The following NACC2 variants were observed in gnomAD, a reference collection of about 807,000 sequenced individuals.
NACC2 encodes the protein nucleus accumbens-associated protein 2.
A neutral mutation model predicts 25.1 loss-of-function variants in NACC2; 8 were observed. The observed-to-expected ratio is 0.32, with a 90% CI of 0.19 to 0.57. The LOEUF is 0.57. Among genes scored for constraint, NACC2 ranks in the 20% least tolerant of loss-of-function variants. The probability of loss-of-function intolerance (pLI) is 0.89; values close to 1 mark genes in which losing one functional copy is unlikely to be tolerated. For synonymous variants in NACC2, 435 were observed against 294.7 expected, an observed-to-expected ratio of 1.48 and a Z score of -4.88; for missense variants, 644 against 650.2, an observed-to-expected ratio of 0.99 and a Z score of 0.10.
intron 2 of NACC2, among the ~76,000 whole-genome samples, chr9:136,048,070 CCTGTCTGGCTGCCATTGTCGGCAGGGCA>C (rs1470367604): frequency 1.1e-4 from 17 of 152,186 alleles, no homozygotes; most frequent in African/African-American, 1.9e-4. Context: ...TCGGCAGGGC[CCTGTCTGGCTGCCATTGTCGGCAGGGCA>C]CTGTCTGGCT....
intron 2 of NACC2, among the ~76,000 whole-genome samples, chr9:136,030,965 C>T (rs1164998177): frequency 1.3e-5 from 2 of 152,066 alleles, no homozygotes; most frequent in African/African-American, 2.4e-5. Context: ...CCGGCCAATA[C>T]ATCTCAACTT....
intron 1 of NACC2, among the ~76,000 whole-genome samples, chr9:136,051,966 G>A (rs1840851673): frequency 6.6e-6 from 1 of 152,064 alleles, no homozygotes; most frequent in Admixed American, 6.5e-5. Flanking sequence ...CTGGGCTCGC[G>A]GCCGCAGCTC....
intron 1 of NACC2, among the ~76,000 whole-genome samples, chr9:136,092,884 C>T (rs962588704): frequency 1.3e-5 from 2 of 152,180 alleles, no homozygotes; most frequent in African/African-American, 2.4e-5. Context: ...GAACCCACTG[C>T]GTGACCCTGC....
intron 2 of NACC2, among the ~76,000 whole-genome samples, chr9:136,034,713 A>G (rs921177347): frequency 6.6e-6 from 1 of 152,212 alleles, no homozygotes; most frequent in Non-Finnish European, 1.5e-5. Context: ...AAATGAAGGA[A>G]TAAAACCAGT....
At chr9:136,048,182 C>T (rs1398811603) in intron 2 of NACC2, among the ~76,000 whole-genome samples, 1 of 152,198 alleles carries the variant, frequency 6.6e-6, no homozygotes, top group Non-Finnish European at 1.5e-5. Context: ...GGGACTGGAG[C>T]CCATGGACAG....
chr9:136,029,470 A>C (rs1179197264), intron 2 of NACC2, among the ~76,000 whole-genome samples: 3 of 152,264 alleles, frequency 2.0e-5, no homozygotes, highest in Non-Finnish European at 4.4e-5. Context: ...GGGACCTGCC[A>C]AATGGCAGGA....
At chr9:136,024,810 A>G (rs1176829149) in intron 2 of NACC2, among the ~76,000 whole-genome samples, 2 of 152,156 alleles carry the variant, frequency 1.3e-5, no homozygotes, top group African/African-American at 4.8e-5. Context: ...TACAACCCTG[A>G]GGGGCTGCGA....
chr9:136,041,747 T>C (rs1275858656), intron 2 of NACC2, among the ~76,000 whole-genome samples: 1 of 152,208 alleles, frequency 6.6e-6, no homozygotes, highest in Non-Finnish European at 1.5e-5. Flanking sequence ...ATGAACAGTA[T>C]GGCGTGTGAA....
At position 136,007,534 on chromosome 9, in the gene NACC2, T is replaced by TGA; in HGVS notation, c.*3981_*3982insTC. ...ACGCGCACACACAGACGCACAGACGTGCACACACAGACACGCACACACACA... is the reference window on the plus strand; with the variant it reads ...ACGCGCACACACAGACGCACAGACGTGAGCACACACAGACACGCACACACACA... On this transcript the variant is annotated 3_prime_UTR_variant, in exon 6 of 6. Transcript: ENST00000277554. 1.7e-5 allele frequency: 1 copy of TGA among 58,926 alleles called. No homozygotes were observed. The highest frequency in any genetic ancestry group is 8.5e-5 in the African/African-American group (1 of 11,774). The allele number at this position is 58,926 out of a possible 1,614,324, so 3.7% of individuals were successfully genotyped here.
At chr9:136,082,269 G>A (rs1175429637) in intron 1 of NACC2, among the ~76,000 whole-genome samples, 1 of 152,206 alleles carries the variant, frequency 6.6e-6, no homozygotes, top group Non-Finnish European at 1.5e-5. Flanking sequence ...GGAAGGGGGC[G>A]GGGAGCCTCA....
intron 3 of NACC2, 74 bp downstream of exon 3, chr9:136,016,191 G>C: frequency 1.3e-6 from 2 of 1,541,020 alleles, no homozygotes; most frequent in Middle Eastern, 2.2e-4. Flanking sequence ...ACATTGTTCA[G>C]AGCTCTCCAA....
At position 136,075,170 on chromosome 9, in the gene NACC2, G is replaced by A. The variant is rs375471451; in HGVS notation, c.-60+20019C>T. ...GTGGGGAGCCCCAGGTGTGGGTGCA[G>A]CAGGCTGCAACGCCCCCCACACACA... On this transcript the variant is annotated intron_variant, in intron 1 of 5. Transcript: ENST00000277554. Among the ~76,000 whole-genome samples, 91 of 152,372 alleles carry A rather than the reference G, an allele frequency of 6.0e-4. No individual in the cohort carries two copies. The South Asian group carries it at 6.2e-3, about 10-fold the overall frequency.
chr9:136,079,223 G>A (rs888260643), intron 1 of NACC2, among the ~76,000 whole-genome samples: 5 of 152,192 alleles, frequency 3.3e-5, no homozygotes, highest in Non-Finnish European at 5.9e-5. Context: ...CCCAGGGTGG[G>A]AACTGCACTC....
intron 2 of NACC2, among the ~76,000 whole-genome samples, chr9:136,027,343 G>A (rs1349294838): frequency 1.3e-5 from 2 of 152,146 alleles, no homozygotes; most frequent in African/African-American, 4.8e-5. Flanking sequence ...TAAACAAAAG[G>A]GAGCTGAGGT....
chr9:136,030,027 A>C (rs1840451978), intron 2 of NACC2, among the ~76,000 whole-genome samples: 1 of 152,172 alleles, frequency 6.6e-6, no homozygotes, highest in Non-Finnish European at 1.5e-5. Context: ...TGTGACACAC[A>C]CTGCACCTGC....
chr9:136,010,870 AC>A lies in NACC2; in HGVS notation c.*645del, dbSNP rs1182801715. The A allele has an allele frequency of 3.3e-5, 5 of 151,326 alleles. No individual in the cohort carries two copies. The highest frequency in any genetic ancestry group is 1.2e-4 in the African/African-American group (5 of 41,070). The allele number at this position is 151,326 out of a possible 1,614,324, so 9.4% of individuals were successfully genotyped here. On this transcript the variant is annotated 3_prime_UTR_variant, in exon 6 of 6. Transcript: ENST00000277554. This position sits in a 1 kb window ranked among gnomAD's most constrained non-coding sequence, Gnocchi z 4.9. Reference sequence around the variant, plus strand: ...ACAGGGTGTGGGGGCAGAGTAAAGTACCCTTTTCTCCACCCCGAGGGGTGGG... The same window carrying A: ...ACAGGGTGTGGGGGCAGAGTAAAGTACCTTTTCTCCACCCCGAGGGGTGGG...
At chr9:136,046,647 C>T (rs938421597) in intron 2 of NACC2, among the ~76,000 whole-genome samples, 3 of 152,204 alleles carry the variant, frequency 2.0e-5, no homozygotes, top group Non-Finnish European at 4.4e-5. Context: ...CCATGCATGG[C>T]GCCTTCTCGC....
chr9:136,083,779 T>A (rs561059813), intron 1 of NACC2, among the ~76,000 whole-genome samples: 142 of 152,316 alleles, frequency 9.3e-4, no homozygotes, highest in Middle Eastern at 3.4e-3. Flanking sequence ...CTCCACCTGT[T>A]AGTGGTGGCA....
rs916743389 is a variant in NACC2, at chr9:136,049,460, C to T, written c.886+176G>A. 1.6e-4 allele frequency among the ~76,000 whole-genome samples: 25 copies of T among 152,304 alleles called. No homozygotes were observed. In the South Asian group the frequency reaches 4.6e-3, roughly 28 times the overall value. ...AGTCTCCTAGGAGTTCTTGTCTCAT[C>T]CAGGACCAAGTCTGAACCCCATGGT... On this transcript the variant is annotated intron_variant, in intron 2 of 5. Coordinates refer to ENST00000277554, the MANE Select transcript of NACC2 (RefSeq NM_144653.5).
Sources: gnomAD v4.1 joint callset for allele counts (sites outside exome capture counted in the v4.1 genomes callset) on GRCh38, gnomAD v4.1.1 for gene constraint, Gnocchi (gnomAD v3.1) non-coding constraint, MANE v1.5 for transcripts, NCBI Gene and HGNC (gene_info 2026-07-23, HGNC 2026-07-21) for gene names.